TMEM135: variants seen among roughly 807,000 people sequenced by gnomAD.
TMEM135 encodes transmembrane protein 135.
TMEM135 carries 30 observed loss-of-function variants against 60.3 expected under a neutral mutation model. That is an observed-to-expected ratio of 0.50 (90% confidence interval 0.37 to 0.68). The LOEUF is 0.68. Among genes scored for constraint, TMEM135 ranks in the 30% least tolerant of loss-of-function variants. TMEM135 has a pLI of 0.00. For missense variants in TMEM135, 468 were observed against 548.8 expected, an observed-to-expected ratio of 0.85 and a Z score of 1.47; for synonymous variants, 190 against 186.7, an observed-to-expected ratio of 1.02 and a Z score of -0.14.
chr11:87,195,735 C>A (rs747209287), intron 5 of TMEM135, among the ~76,000 whole-genome samples: 2 of 152,052 alleles, frequency 1.3e-5, no homozygotes, highest in Non-Finnish European at 2.9e-5. Context: ...TTACTTCACA[C>A]GAGTAAAAAT....
intron 5 of TMEM135, among the ~76,000 whole-genome samples, chr11:87,166,141 A>G (rs1376557826): frequency 6.6e-6 from 1 of 151,882 alleles, no homozygotes; most frequent in Non-Finnish European, 1.5e-5. Context: ...GTGTCTGTTC[A>G]TGTCCTTTGG....
At chr11:87,285,910 C>T (rs1391105198) in intron 6 of TMEM135, among the ~76,000 whole-genome samples, 8 of 152,092 alleles carry the variant, frequency 5.3e-5, no homozygotes, top group African/African-American at 9.7e-5. Context: ...CTGATTGGTG[C>T]GTTTATAATC....
chr11:87,326,286 T>C lies in TMEM135; in HGVS notation c.*4953T>C. 2.2e-6 allele frequency: 1 copy of C among 454,056 alleles called. No individual in the cohort carries two copies. Among genetic ancestry groups the C allele is most frequent in the Non-Finnish European group, 4.4e-6 (1 of 226,774 alleles). 28.1% of individuals were successfully genotyped at this position (454,056 alleles called of 1,614,324 possible). A position where few individuals can be genotyped will look rare whatever the true frequency, so the allele number is the denominator to read the frequency against. On this transcript the variant is annotated 3_prime_UTR_variant, in exon 15 of 15. Coordinates refer to ENST00000305494, the MANE Select transcript of TMEM135 (RefSeq NM_022918.4). Reference sequence around the variant, plus strand: ...AGCATCCCTTTCTGTCTTGAGAGATTCAGGCTTCCATAAAGTAGACCTGTA... The same window carrying C: ...AGCATCCCTTTCTGTCTTGAGAGATCCAGGCTTCCATAAAGTAGACCTGTA...
chr11:87,071,480 C>A, intron 2 of TMEM135, 43 bp from the exon 3 acceptor site: 1 of 1,474,532 alleles, frequency 6.8e-7, no homozygotes, highest in Non-Finnish European at 9.5e-7. Context: ...ACTGAAGTGA[C>A]CAACTAGGAA....
At chr11:87,091,001 G>A (rs17759040) in intron 3 of TMEM135, among the ~76,000 whole-genome samples, 21,238 of 151,916 alleles carry the variant, frequency 0.14, 1,583 homozygotes, top group Non-Finnish European at 0.16. Context: ...TTGGCAAGAT[G>A]AATTAGAATT....
chr11:87,186,685 G>A (rs1045225383), intron 5 of TMEM135, among the ~76,000 whole-genome samples: 8 of 151,876 alleles, frequency 5.3e-5, no homozygotes, highest in Non-Finnish European at 8.8e-5. Flanking sequence ...ATTTAACCTC[G>A]TATATATTTA....
intron 1 of TMEM135, among the ~76,000 whole-genome samples, chr11:87,043,839 G>A (rs569247958): frequency 6.6e-6 from 1 of 152,164 alleles, no homozygotes; most frequent in South Asian, 2.1e-4. Context: ...TTGCCCACTT[G>A]GGAGTATGGA....
At chr11:87,263,261 T>C (rs936667300) in intron 6 of TMEM135, among the ~76,000 whole-genome samples, 2 of 152,224 alleles carry the variant, frequency 1.3e-5, no homozygotes, top group African/African-American at 4.8e-5. Context: ...ATTTAATCTC[T>C]TAAATGGAGA....
intron 1 of TMEM135, among the ~76,000 whole-genome samples, chr11:87,054,795 A>T (rs1331978904): frequency 1.3e-5 from 2 of 149,860 alleles, no homozygotes; most frequent in Non-Finnish European, 3.0e-5. Context: ...ACATGGGACA[A>T]TTTTTTTTTT....
At position 87,323,609 on chromosome 11, in the gene TMEM135, C is replaced by A; in HGVS notation, c.*2276C>A. 1 of 453,690 alleles carries A rather than the reference C, an allele frequency of 2.2e-6. No individual in the cohort carries two copies. The highest frequency in any genetic ancestry group is 2.4e-5 in the Admixed American group (1 of 42,530). The allele number at this position is 453,690 out of a possible 1,614,324, so 28.1% of individuals were successfully genotyped here. A position where few individuals can be genotyped will look rare whatever the true frequency, so the allele number is the denominator to read the frequency against. ...TGATTACAGTAAACAATAATATGTC[C>A]CCTTAGTCTTTCTGACATTTTTATA... On this transcript the variant is annotated 3_prime_UTR_variant, in exon 15 of 15. Transcript: ENST00000305494.
At chr11:87,263,001 T>TG (rs71470733) in intron 6 of TMEM135, among the ~76,000 whole-genome samples, 2 of 139,744 alleles carry the variant, frequency 1.4e-5, no homozygotes, top group African/African-American at 5.6e-5. Flanking sequence ...TCAGTTTTCA[T>TG]GGAAAAAAAA....
At chr11:87,238,073 A>T (rs1941042412) in intron 6 of TMEM135, among the ~76,000 whole-genome samples, 1 of 151,798 alleles carries the variant, frequency 6.6e-6, no homozygotes, top group African/African-American at 2.4e-5. Context: ...CTGTCAGTGG[A>T]CACTTAGCCT....
In TMEM135 at chr11:87,191,982, C is replaced by CTTTTT. The variant is rs767550753; in HGVS notation, c.462+34580_462+34581insTTTTT. Among the ~76,000 whole-genome samples, 98 of 93,952 alleles carry CTTTTT rather than the reference C, an allele frequency of 1.0e-3. 5 individuals are homozygous for CTTTTT. The highest frequency in any genetic ancestry group is 1.8e-3 in the African/African-American group (40 of 22,070). 61.6% of individuals were successfully genotyped at this position (93,952 alleles called of 152,430 possible). A position where few individuals can be genotyped will look rare whatever the true frequency, so the allele number is the denominator to read the frequency against. On this transcript the variant is annotated intron_variant, in intron 5 of 14. Transcript: ENST00000305494. ...CTATTTCTTTTGTTTCTTTTCTTTTCTTTTCTTTTTTTTTTTTTTTTTTCG... is the reference window on the plus strand; with the variant it reads ...CTATTTCTTTTGTTTCTTTTCTTTTCTTTTTTTTTCTTTTTTTTTTTTTTTTTTCG...
rs532472906 is a variant in TMEM135, at chr11:87,136,957, G to A, written c.397-20384G>A. Among the ~76,000 whole-genome samples, 10 of 151,108 alleles carry A rather than the reference G, an allele frequency of 6.6e-5. No individual in the cohort carries two copies. The South Asian group carries it at 2.1e-3, about 32-fold the overall frequency. On this transcript the variant is annotated intron_variant, in intron 4 of 14. Coordinates refer to ENST00000305494, the MANE Select transcript of TMEM135 (RefSeq NM_022918.4). ...GATCTGAAAAGAGTATTCTGCATTT[G>A]TTTAGTGCAATGCTCTATAAACATC...
chr11:87,194,799 G>A (rs997864195), intron 5 of TMEM135, among the ~76,000 whole-genome samples: 3 of 152,108 alleles, frequency 2.0e-5, no homozygotes, highest in Non-Finnish European at 2.9e-5. Flanking sequence ...TAGAGCTCTC[G>A]TGAAAGTCAA....
At chr11:87,234,168 G>A (rs1940945547) in intron 5 of TMEM135, among the ~76,000 whole-genome samples, 2 of 151,906 alleles carry the variant, frequency 1.3e-5, no homozygotes, top group Non-Finnish European at 2.9e-5. Context: ...CTGCTAACAA[G>A]TCTCTTCTTC....
In TMEM135 at chr11:87,280,094, T is replaced by C. The variant is rs909613715; in HGVS notation, c.510-15688T>C. On this transcript the variant is annotated intron_variant, in intron 6 of 14. Transcript: ENST00000305494. ...AATTTGTTAATCTATCAAAAAGTTA[T>C]TAAAATATGTCTTAAAGTTAATGTG... Among the ~76,000 whole-genome samples, 6 of 152,188 alleles carry C rather than the reference T, an allele frequency of 3.9e-5. No individual in the cohort carries two copies. The South Asian group carries it at 1.2e-3, about 31-fold the overall frequency.
chr11:87,243,644 G>T (rs1941191311), intron 6 of TMEM135, among the ~76,000 whole-genome samples: 1 of 79,040 alleles, frequency 1.3e-5, no homozygotes, highest in Non-Finnish European at 3.1e-5. Flanking sequence ...TCATGATTTG[G>T]CTCTCTGTTT....
At chr11:87,135,356 A>G (rs1938059826) in intron 4 of TMEM135, among the ~76,000 whole-genome samples, 1 of 151,964 alleles carries the variant, frequency 6.6e-6, no homozygotes, top group Admixed American at 6.6e-5. Context: ...ATAGTTCTAG[A>G]TTTTACGTTT....
Sources: allele counts gnomAD v4.1 joint callset (sites outside exome capture counted in the v4.1 genomes callset), GRCh38; gene constraint gnomAD v4.1.1; transcripts MANE v1.5; gene names NCBI Gene and HGNC (gene_info 2026-07-23, HGNC 2026-07-21).